RPTOR: variants seen among roughly 807,000 people sequenced by gnomAD.
RPTOR encodes regulatory associated protein of MTOR complex 1.
Under a neutral mutation model 169.9 loss-of-function variants are expected in RPTOR, and 21 were observed. The ratio of observed to expected loss-of-function variants is 0.12; its 90% CI spans 0.09 to 0.18. The LOEUF (loss-of-function observed/expected upper bound fraction) is 0.18, where lower values mean the gene tolerates loss of function less well. RPTOR is among the 10% of genes least tolerant of loss of function. RPTOR has a pLI of 1.00. For synonymous variants in RPTOR, 732 were observed against 753.2 expected, an observed-to-expected ratio of 0.97 and a Z score of 0.46; for missense variants, 1,133 against 1,855.9, an observed-to-expected ratio of 0.61 and a Z score of 7.16.
chr17:80,879,787 G>A (rs566085144), intron 13 of RPTOR, among the ~76,000 whole-genome samples: 1 of 152,342 alleles, frequency 6.6e-6, no homozygotes, highest in Non-Finnish European at 1.5e-5. Context: ...CTGTGAATGT[G>A]TAGACAGGCA....
intron 3 of RPTOR, among the ~76,000 whole-genome samples, chr17:80,693,170 T>C (rs1256192884): frequency 1.3e-5 from 2 of 152,226 alleles, no homozygotes; most frequent in Non-Finnish European, 2.9e-5. Flanking sequence ...TTGGATCAGC[T>C]AATTCATGAT....
At chr17:80,777,986 A>G (rs1215215627) in intron 6 of RPTOR, among the ~76,000 whole-genome samples, 1 of 152,230 alleles carries the variant, frequency 6.6e-6, no homozygotes, top group Non-Finnish European at 1.5e-5. Context: ...GGCTGGGGTT[A>G]AAGTGTTATT....
rs1027511749 is a variant in RPTOR, at chr17:80,754,922, G to A, written c.830+737G>A. ...ATGGTGCAGCTGTGCAGCAGACACC[G>A]TGCTGTCGGCCGAGGACACTCTTGA... On this transcript the variant is annotated intron_variant, in intron 6 of 33. Coordinates refer to ENST00000306801, the MANE Select transcript of RPTOR (RefSeq NM_020761.3). This position sits in a 1 kb window ranked among gnomAD's most constrained non-coding sequence, Gnocchi z 4.2. Among the ~76,000 whole-genome samples, 25 of 152,200 alleles carry A rather than the reference G, an allele frequency of 1.6e-4. No individual in the cohort carries two copies. The highest frequency in any genetic ancestry group is 5.8e-4 in the African/African-American group (24 of 41,444).
At position 80,545,596 on chromosome 17, in the gene RPTOR, G is replaced by A; in HGVS notation, c.-34G>A. 6.5e-7 allele frequency: 1 copy of A among 1,544,902 alleles called. No homozygotes were observed. Among genetic ancestry groups the A allele is most frequent in the Non-Finnish European group, 8.8e-7 (1 of 1,140,794 alleles). ...TAAGGCTGGAGGTTCTCGAGCGCTT[G>A]CTGCCAAGGACTCCCCCACCCCCTC... On this transcript the variant is annotated 5_prime_UTR_variant, in exon 1 of 34. Coordinates refer to ENST00000306801, the MANE Select transcript of RPTOR (RefSeq NM_020761.3).
At chr17:80,564,383 G>A (rs925748152) in intron 1 of RPTOR, among the ~76,000 whole-genome samples, 1 of 152,114 alleles carries the variant, frequency 6.6e-6, no homozygotes, top group Non-Finnish European at 1.5e-5. Context: ...TGTCTCTGGT[G>A]TTGATTCCTA....
rs1298711369 is a variant in RPTOR, at chr17:80,730,913, G to A, written c.654+207G>A. On this transcript the variant is annotated intron_variant, in intron 5 of 33. Transcript: ENST00000306801. This position sits in a 1 kb window ranked among gnomAD's most constrained non-coding sequence, Gnocchi z 4.2. ...TTTTGAAACATAATCTTGTTCTGTT[G>A]CCCAGGCTGGAGTGCTGTGGTGCCG... Among the ~76,000 whole-genome samples, 1 of 152,142 alleles carries A rather than the reference G, an allele frequency of 6.6e-6. No individual in the cohort carries two copies. Among genetic ancestry groups the A allele is most frequent in the East Asian group, 1.9e-4 (1 of 5,190 alleles).
intron 1 of RPTOR, among the ~76,000 whole-genome samples, chr17:80,569,361 T>A (rs1360649861): frequency 6.6e-6 from 1 of 152,144 alleles, no homozygotes. Context: ...GTTTGCTGTC[T>A]TTTAAAAACA....
At chr17:80,693,909 C>T (rs559180766) in intron 3 of RPTOR, among the ~76,000 whole-genome samples, 5 of 152,226 alleles carry the variant, frequency 3.3e-5, no homozygotes, top group Non-Finnish European at 5.9e-5. Flanking sequence ...CGGCATGGTC[C>T]GGAGCGTCCA....
intron 7 of RPTOR, among the ~76,000 whole-genome samples, chr17:80,798,588 C>G (rs1360513191): frequency 1.3e-5 from 2 of 151,954 alleles, no homozygotes; most frequent in Non-Finnish European, 2.9e-5. Context: ...TGGCGCTCCT[C>G]CAACACCACT....
chr17:80,660,431 G>T lies in RPTOR; in HGVS notation c.348+16621G>T, dbSNP rs563525223. ...TTTTTCCTTAGTGACATAGAAGACAGTGATGGATCGTACAACCTTTGGCAC... is the reference window on the plus strand; with the variant it reads ...TTTTTCCTTAGTGACATAGAAGACATTGATGGATCGTACAACCTTTGGCAC... On this transcript the variant is annotated intron_variant, in intron 3 of 33. Coordinates refer to ENST00000306801, the MANE Select transcript of RPTOR (RefSeq NM_020761.3). Among the ~76,000 whole-genome samples the T allele has an allele frequency of 1.1e-4, 16 of 152,300 alleles. No individual in the cohort carries two copies. In the East Asian group the frequency reaches 2.7e-3, roughly 26 times the overall value.
chr17:80,721,027 G>C lies in RPTOR; in HGVS notation c.508-9533G>C, dbSNP rs971272225. 6.6e-6 allele frequency among the ~76,000 whole-genome samples: 1 copy of C among 151,054 alleles called. No individual in the cohort carries two copies. The highest frequency in any genetic ancestry group is 2.5e-5 in the African/African-American group (1 of 40,424). Reference sequence around the variant, plus strand: ...TCTCTAATTTTAGCCGTCTAGGGCAGAAACAGTCCCGGGTAAACACCAAGG... The same window carrying C: ...TCTCTAATTTTAGCCGTCTAGGGCACAAACAGTCCCGGGTAAACACCAAGG... On this transcript the variant is annotated intron_variant, in intron 4 of 33. Coordinates refer to ENST00000306801, the MANE Select transcript of RPTOR (RefSeq NM_020761.3). The surrounding 1 kb of genome is among the most constrained non-coding windows in gnomAD (Gnocchi z 4.7).
chr17:80,576,850 T>A (rs1568314445), intron 1 of RPTOR, among the ~76,000 whole-genome samples: 1 of 152,134 alleles, frequency 6.6e-6, no homozygotes, highest in Non-Finnish European at 1.5e-5. Context: ...ACAGCAGGTG[T>A]GTACCACCAC....
chr17:80,714,924 T>C (rs1489478345), intron 4 of RPTOR, among the ~76,000 whole-genome samples: 1 of 152,188 alleles, frequency 6.6e-6, no homozygotes, highest in Non-Finnish European at 1.5e-5. Context: ...GGTTTCGCCA[T>C]GTTGGCCAGG....
chr17:80,577,606 G>A (rs1599567972), intron 1 of RPTOR, among the ~76,000 whole-genome samples: 1 of 152,132 alleles, frequency 6.6e-6, no homozygotes, highest in African/African-American at 2.4e-5. Context: ...TCCTTTCCAC[G>A]GAAGTCACTG....
At chr17:80,650,561 G>T (rs1419513211) in intron 3 of RPTOR, among the ~76,000 whole-genome samples, 2 of 152,206 alleles carry the variant, frequency 1.3e-5, no homozygotes, top group Non-Finnish European at 2.9e-5. Context: ...TTTAGTTCTG[G>T]CTTTGCCACT....
intron 27 of RPTOR, among the ~76,000 whole-genome samples, chr17:80,948,142 A>G (rs1220731207): frequency 6.6e-6 from 1 of 152,168 alleles, no homozygotes; most frequent in Admixed American, 6.5e-5. Context: ...GGCTGAGAGA[A>G]GTGAAGGCCG....
At chr17:80,765,143 G>A (rs1232242177) in intron 6 of RPTOR, among the ~76,000 whole-genome samples, 1 of 152,142 alleles carries the variant, frequency 6.6e-6, no homozygotes, top group Non-Finnish European at 1.5e-5. Flanking sequence ...GCAGCCCTAC[G>A]CTGTCCGTCG....
chr17:80,763,457 G>T (rs993649270), intron 6 of RPTOR, among the ~76,000 whole-genome samples: 16 of 152,212 alleles, frequency 1.1e-4, no homozygotes, highest in Non-Finnish European at 1.6e-4. Flanking sequence ...ATATACTGAT[G>T]ATGACTGTGT....
chr17:80,743,878 TGG>T (rs2066521466), intron 5 of RPTOR, among the ~76,000 whole-genome samples: 2 of 112,448 alleles, frequency 1.8e-5, no homozygotes, highest in Non-Finnish European at 1.9e-5. Context: ...AGCACAGCCC[TGG>T]CTACTAGCAC....
Sources: gnomAD v4.1 joint callset for allele counts (sites outside exome capture counted in the v4.1 genomes callset) on GRCh38, gnomAD v4.1.1 for gene constraint, Gnocchi (gnomAD v3.1) non-coding constraint, MANE v1.5 for transcripts, NCBI Gene and HGNC (gene_info 2026-07-23, HGNC 2026-07-21) for gene names.